Variants in KDM4C observed in about 807,000 individuals in gnomAD.
The protein encoded by KDM4C is lysine demethylase 4C.
KDM4C carries 81 observed loss-of-function variants against 129.3 expected under a neutral mutation model. The ratio of observed to expected loss-of-function variants is 0.63; its 90% CI spans 0.52 to 0.75. KDM4C has a LOEUF of 0.75. Ranked by LOEUF, KDM4C falls within the 30% of genes least tolerant of loss-of-function variation. KDM4C has a pLI of 0.00. For missense variants in KDM4C, 1,457 were observed against 1,304.0 expected, an observed-to-expected ratio of 1.12 and a Z score of -1.81; for synonymous variants, 573 against 456.1, an observed-to-expected ratio of 1.26 and a Z score of -3.26.
At chr9:6,752,434 G>C (rs1376287801) in intron 1 of KDM4C, among the ~76,000 whole-genome samples, 1 of 144,128 alleles carries the variant, frequency 6.9e-6, no homozygotes, top group Non-Finnish European at 1.5e-5. Flanking sequence ...TTTTCCGGTG[G>C]AGTTTCGCTC....
intron 17 of KDM4C, among the ~76,000 whole-genome samples, chr9:7,086,792 G>A (rs575368066): frequency 6.6e-6 from 1 of 152,200 alleles, no homozygotes; most frequent in Non-Finnish European, 1.5e-5. Context: ...TACAAGGACA[G>A]TTCTTTTCTA....
chr9:7,039,917 T>C (rs1828270063), intron 15 of KDM4C, among the ~76,000 whole-genome samples: 2 of 152,118 alleles, frequency 1.3e-5, no homozygotes, highest in South Asian at 4.1e-4. Flanking sequence ...ATTTTGCATT[T>C]TGTGGCTCAT....
chr9:6,935,341 G>A (rs917849976), intron 8 of KDM4C, among the ~76,000 whole-genome samples: 4 of 151,754 alleles, frequency 2.6e-5, no homozygotes, highest in African/African-American at 9.7e-5. Context: ...ATTTTCAAAT[G>A]TTTGATTTTT....
At chr9:7,079,855 C>A (rs553172430) in intron 17 of KDM4C, among the ~76,000 whole-genome samples, 27 of 152,266 alleles carry the variant, frequency 1.8e-4, no homozygotes, top group Non-Finnish European at 3.5e-4. Context: ...TTAACATGTA[C>A]TCTTTCCCAA....
At position 6,722,519 on chromosome 9, in the gene KDM4C, T is replaced by A. The variant is rs561571188; in HGVS notation, c.49+1522T>A. Among the ~76,000 whole-genome samples, 108 of 147,070 alleles carry A rather than the reference T, an allele frequency of 7.3e-4. 1 individual carries two copies. The highest frequency in any genetic ancestry group is 1.7e-3 in the South Asian group (8 of 4,726). On this transcript the variant is annotated intron_variant, in intron 1 of 17. Transcript: ENST00000536108. ...ATGGCAAAACCCTATGTCTATATAT[T>A]TTTTTTTTTTTGAGATGGAGTTTTG...
intron 1 of KDM4C, chr9:6,734,632 G>T (rs1016905845): frequency 7.6e-6 from 2 of 264,494 alleles, no homozygotes; most frequent in East Asian, 1.1e-4. Context: ...AGCATTTGGA[G>T]ATAACATACT....
At chr9:6,895,002 G>C (rs1279915668) in intron 8 of KDM4C, among the ~76,000 whole-genome samples, 1 of 152,174 alleles carries the variant, frequency 6.6e-6, no homozygotes, top group Non-Finnish European at 1.5e-5. Context: ...GTTTGGTTCT[G>C]GGTACAAAAT....
chr9:7,009,797 T>G (rs1286544881), intron 12 of KDM4C, among the ~76,000 whole-genome samples: 1 of 152,232 alleles, frequency 6.6e-6, no homozygotes, highest in African/African-American at 2.4e-5. Context: ...ACTTGACTCC[T>G]TGAACATCAT....
At chr9:6,856,680 C>G (rs936356880) in intron 5 of KDM4C, among the ~76,000 whole-genome samples, 9 of 151,742 alleles carry the variant, frequency 5.9e-5, no homozygotes, top group Admixed American at 4.6e-4. Flanking sequence ...TCAAGTGATC[C>G]TCCCACTTCA....
At position 6,919,247 on chromosome 9, in the gene KDM4C, T is replaced by TTTTCTTTC. The variant is rs141381388; in HGVS notation, c.921+26033_921+26040dup. ...CCTTCTTTCTTTCTTTCTTTCTTTC[T>TTTTCTTTC]TTTCTTTCTTTCTTTCTTTCTTTCT... On this transcript the variant is annotated intron_variant, in intron 8 of 21. Transcript: ENST00000381309. Among the ~76,000 whole-genome samples, 65 of 106,350 alleles carry TTTTCTTTC rather than the reference T, an allele frequency of 6.1e-4. 2 individuals are homozygous for TTTTCTTTC. Among genetic ancestry groups the TTTTCTTTC allele is most frequent in the African/African-American group, 1.4e-3 (38 of 27,006 alleles). 69.8% of individuals were successfully genotyped at this position (106,350 alleles called of 152,430 possible).
At chr9:6,960,281 A>AT (rs1420044539) in intron 8 of KDM4C, among the ~76,000 whole-genome samples, 6 of 98,598 alleles carry the variant, frequency 6.1e-5, no homozygotes, top group Non-Finnish European at 9.6e-5. Flanking sequence ...AAATGTTTTT[A>AT]ATTTTTTTTT....
In KDM4C at chr9:7,011,732, G is replaced by A. The variant is rs761967519; in HGVS notation, c.1821G>A (p.Val607=). Residue 607 remains valine, a synonymous_variant, in exon 13 of 22, where the codon GTG becomes GTA. Transcript: ENST00000381309. ...LPEVLSIEEE[V]EETESWAKPL... The stretch of plus-strand genomic sequence containing the variant: ...AGGTTCTGTCCATTGAGGAGGAAGT[G>A]GAAGAAACAGAGTCTTGGGCGAAAC... The A allele has an allele frequency of 7.4e-6, 12 of 1,614,012 alleles. No homozygotes were observed. In the Admixed American group the frequency reaches 1.2e-4, roughly 16 times the overall value.
chr9:7,031,142 A>AT (rs1564011981), intron 15 of KDM4C, among the ~76,000 whole-genome samples: 1 of 115,540 alleles, frequency 8.7e-6, no homozygotes, highest in Admixed American at 8.0e-5. Flanking sequence ...TTATTTATTT[A>AT]TTTATTTATT....
At chr9:7,148,442 G>A (rs1842417592) in intron 19 of KDM4C, among the ~76,000 whole-genome samples, 1 of 152,194 alleles carries the variant, frequency 6.6e-6, no homozygotes, top group Admixed American at 6.5e-5. Context: ...GTTGTGTGGG[G>A]CAGCTGCCCA....
At chr9:6,792,063 G>A (rs1564013946) in intron 1 of KDM4C, among the ~76,000 whole-genome samples, 3 of 151,072 alleles carry the variant, frequency 2.0e-5, no homozygotes, top group Non-Finnish European at 4.4e-5. Context: ...TTTACGTCTG[G>A]GCTCGGTAGC....
At chr9:6,826,071 C>T (rs62568871) in intron 4 of KDM4C, among the ~76,000 whole-genome samples, 10,772 of 152,236 alleles carry the variant, frequency 0.071, 559 homozygotes, top group Non-Finnish European at 0.11. Flanking sequence ...CTCCGCCTCT[C>T]AAAGTTACGG....
chr9:6,768,757 T>G (rs1379589617), intron 1 of KDM4C, among the ~76,000 whole-genome samples: 1 of 152,082 alleles, frequency 6.6e-6, no homozygotes, highest in Non-Finnish European at 1.5e-5. Context: ...TTTCATGATC[T>G]TGACACTTTT....
At chr9:6,924,445 T>G (rs1220918245) in intron 8 of KDM4C, among the ~76,000 whole-genome samples, 1 of 152,218 alleles carries the variant, frequency 6.6e-6, no homozygotes, top group Non-Finnish European at 1.5e-5. Flanking sequence ...GGCCCAGGGC[T>G]GCAGCGCTCT....
At chr9:6,882,773 TG>T (rs1428880173) in intron 6 of KDM4C, among the ~76,000 whole-genome samples, 1 of 12,670 alleles carries the variant, frequency 7.9e-5, no homozygotes, top group East Asian at 2.5e-3. Flanking sequence ...TTTAAGCATT[TG>T]TGTGTGTGTG....
Sources: gnomAD v4.1 joint callset for allele counts (sites outside exome capture counted in the v4.1 genomes callset) on GRCh38, gnomAD v4.1.1 for gene constraint, MANE v1.5 for transcripts, NCBI Gene and HGNC (gene_info 2026-07-23, HGNC 2026-07-21) for gene names.